The following THRB variants were observed in gnomAD, a reference collection of about 807,000 sequenced individuals.
THRB encodes the protein nuclear receptor subfamily 1 group A member 2.
Under a neutral mutation model 47.8 loss-of-function variants are expected in THRB, and 12 were observed. The observed-to-expected ratio is 0.25, with a 90% CI of 0.16 to 0.41. The LOEUF is 0.41. Among genes scored for constraint, THRB ranks in the 10% least tolerant of loss-of-function variants. THRB has a pLI of 1.00. For synonymous variants in THRB, 218 were observed against 212.2 expected, an observed-to-expected ratio of 1.03 and a Z score of -0.24; for missense variants, 348 against 589.2, an observed-to-expected ratio of 0.59 and a Z score of 4.24.
intron 1 of THRB, among the ~76,000 whole-genome samples, chr3:24,459,870 G>C (rs953898291): frequency 5.9e-5 from 9 of 151,912 alleles, no homozygotes; most frequent in Non-Finnish European, 1.3e-4. Context: ...TTTTTATATA[G>C]GTACTTATAA....
At chr3:24,174,147 G>A (rs917298430) in intron 5 of THRB, among the ~76,000 whole-genome samples, 8 of 152,134 alleles carry the variant, frequency 5.3e-5, no homozygotes, top group Admixed American at 2.6e-4. Context: ...GTGTTAAGCC[G>A]GGCATGCATT....
At chr3:24,200,751 T>C (rs1445807280) in intron 4 of THRB, among the ~76,000 whole-genome samples, 1 of 152,110 alleles carries the variant, frequency 6.6e-6, no homozygotes, top group Admixed American at 6.5e-5. Flanking sequence ...AAAAGTTTGG[T>C]TTTTTCTTTG....
At chr3:24,166,673 T>C (rs1395217020) in intron 5 of THRB, among the ~76,000 whole-genome samples, 1 of 152,174 alleles carries the variant, frequency 6.6e-6, no homozygotes, top group African/African-American at 2.4e-5. Context: ...TCTTCTACAC[T>C]AGGGATTCCT....
chr3:24,190,410 G>A, intron 4 of THRB, 76 bp from the exon 5 acceptor site: 2 of 1,575,198 alleles, frequency 1.3e-6, no homozygotes, highest in East Asian at 2.2e-5. Context: ...GTTTTGGAAG[G>A]CAAGTTGTTT....
chr3:24,236,811 T>C (rs931273320), intron 3 of THRB, among the ~76,000 whole-genome samples: 1 of 152,174 alleles, frequency 6.6e-6, no homozygotes, highest in Non-Finnish European at 1.5e-5. Flanking sequence ...GCATCCTGAG[T>C]GCAGCCCCAG....
At chr3:24,179,511 G>C (rs2041622192) in intron 5 of THRB, among the ~76,000 whole-genome samples, 1 of 152,142 alleles carries the variant, frequency 6.6e-6, no homozygotes, top group Admixed American at 6.5e-5. Context: ...GGAATTATTT[G>C]CACTATTACA....
chr3:24,475,637 T>G (rs1695342270), intron 1 of THRB, among the ~76,000 whole-genome samples: 1 of 152,142 alleles, frequency 6.6e-6, no homozygotes, highest in African/African-American at 2.4e-5. Flanking sequence ...ACATGACAGT[T>G]TTTTAAAAAT....
In THRB at chr3:24,123,017, C is replaced by G; in HGVS notation, c.1253G>C (p.Trp418Ser). The stretch of plus-strand genomic sequence containing the variant: ...TGTCACCTTCATCAGGAGTTTTGGC[C>G]AAAAGTGTGTCACGTGGTGTTTTCG... ...NYRKHHVTHF[W>S]PKLLMKVTDL... is the part of the protein sequence containing the mutation. Residue 418 changes from tryptophan (W) to serine (S), a missense_variant, in exon 11 of 11, where the codon TGG (tryptophan) becomes TCG (serine). Physicochemically the swap from Trp to Ser is radical, Grantham distance 177. Transcript: ENST00000646209. 1 of 1,614,138 alleles carries G rather than the reference C, an allele frequency of 6.2e-7. No individual in the cohort carries two copies. The highest frequency in any genetic ancestry group is 8.5e-7 in the Non-Finnish European group (1 of 1,180,028).
chr3:24,447,881 T>C (rs1443977106), intron 1 of THRB, among the ~76,000 whole-genome samples: 1 of 151,840 alleles, frequency 6.6e-6, no homozygotes, highest in African/African-American at 2.4e-5. Flanking sequence ...AGAAAAGTAG[T>C]TGCCTCTTGC....
At chr3:24,280,588 A>G (rs2054461559) in intron 3 of THRB, among the ~76,000 whole-genome samples, 1 of 152,226 alleles carries the variant, frequency 6.6e-6, no homozygotes, top group Non-Finnish European at 1.5e-5. Flanking sequence ...CTGGACGGAG[A>G]ATGACTTTGA....
At chr3:24,281,887 A>G (rs534024501) in intron 3 of THRB, among the ~76,000 whole-genome samples, 18 of 151,618 alleles carry the variant, frequency 1.2e-4, no homozygotes, top group Non-Finnish European at 2.4e-4. Flanking sequence ...AGAGCTACCT[A>G]TCCTAAATAT....
At chr3:24,213,852 T>C (rs1030386597) in intron 4 of THRB, among the ~76,000 whole-genome samples, 2 of 152,124 alleles carry the variant, frequency 1.3e-5, no homozygotes, top group Admixed American at 6.5e-5. Flanking sequence ...GTCCTCTAAG[T>C]TTGAAGCAAG....
chr3:24,188,756 G>T (rs532950888), intron 5 of THRB, among the ~76,000 whole-genome samples: 340 of 16,956 alleles, frequency 0.02, 1 homozygote, highest in Middle Eastern at 0.14. Flanking sequence ...ACGCACACAC[G>T]TGCACACACA....
intron 3 of THRB, among the ~76,000 whole-genome samples, chr3:24,243,632 C>T (rs780884828): frequency 3.9e-5 from 6 of 152,110 alleles, no homozygotes; most frequent in African/African-American, 7.2e-5. Context: ...CTTCCCAATA[C>T]CCCTTATCTT....
chr3:24,363,055 T>C (rs940153811), intron 1 of THRB, among the ~76,000 whole-genome samples: 2 of 152,154 alleles, frequency 1.3e-5, no homozygotes, highest in African/African-American at 2.4e-5. Context: ...TTAGGGTAAT[T>C]CTTAATTTTT....
At chr3:24,344,719 C>T (rs1156251303) in intron 1 of THRB, among the ~76,000 whole-genome samples, 1 of 151,712 alleles carries the variant, frequency 6.6e-6, no homozygotes, top group Non-Finnish European at 1.5e-5. Context: ...AACAAAAGTT[C>T]CACAAAATAA....
At chr3:24,381,194 C>T (rs1006662130) in intron 1 of THRB, among the ~76,000 whole-genome samples, 1 of 149,944 alleles carries the variant, frequency 6.7e-6, no homozygotes, top group Non-Finnish European at 1.5e-5. Flanking sequence ...AATATACCAA[C>T]AACATTCAAA....
intron 3 of THRB, among the ~76,000 whole-genome samples, chr3:24,243,390 C>G (rs2049776784): frequency 6.6e-6 from 1 of 152,100 alleles, no homozygotes; most frequent in Non-Finnish European, 1.5e-5. Context: ...CTCTCTGTCT[C>G]TCCTCTCCCA....
chr3:24,493,011 G>T (rs1698409744), intron 1 of THRB, among the ~76,000 whole-genome samples: 1 of 152,180 alleles, frequency 6.6e-6, no homozygotes, highest in African/African-American at 2.4e-5. Flanking sequence ...GATTCTGTTA[G>T]TATTTCTTTA....
Sources: gnomAD v4.1 joint callset for allele counts (sites outside exome capture counted in the v4.1 genomes callset) on GRCh38, gnomAD v4.1.1 for gene constraint, MANE v1.5 for transcripts, NCBI Gene and HGNC (gene_info 2026-07-23, HGNC 2026-07-21) for gene names.